Variants in KCNN2 observed in about 807,000 individuals in gnomAD.
The protein encoded by KCNN2 is small conductance calcium-activated potassium channel protein 2.
KCNN2 carries 24 observed loss-of-function variants against 55.5 expected under a neutral mutation model. That is an observed-to-expected ratio of 0.43 (90% CI 0.31 to 0.61). The LOEUF (loss-of-function observed/expected upper bound fraction) is 0.61. Among genes scored for constraint, KCNN2 ranks in the 20% least tolerant of loss-of-function variants. The pLI is 0.08. For synonymous variants in KCNN2, 431 were observed against 336.1 expected (o/e 1.28, Z -3.09); for missense variants, 754 against 853.6 (o/e 0.88, Z 1.45).
intron 1 of KCNN2, among the ~76,000 whole-genome samples, chr5:114,079,844 T>TGAGA (rs370135875): frequency 1.0e-3 from 157 of 149,536 alleles, no homozygotes; most frequent in Non-Finnish European, 1.3e-3. Flanking sequence ...TGTGTGTGTG[T>TGAGA]GAGAGAGAGA....
chr5:114,176,509 A>G (rs1753133566), intron 1 of KCNN2, among the ~76,000 whole-genome samples: 1 of 152,186 alleles, frequency 6.6e-6, no homozygotes, highest in Non-Finnish European at 1.5e-5. Context: ...AATACTTTAC[A>G]TTCTAATATC....
chr5:114,415,198 A>T (rs1221930854), intron 3 of KCNN2, among the ~76,000 whole-genome samples: 1 of 152,144 alleles, frequency 6.6e-6, no homozygotes, highest in Non-Finnish European at 1.5e-5. Context: ...AATATGCCAC[A>T]ATTTGGTCAC....
chr5:114,418,925 C>G (rs894934832), intron 3 of KCNN2, among the ~76,000 whole-genome samples: 1 of 152,208 alleles, frequency 6.6e-6, no homozygotes. Context: ...TTTAAACCCC[C>G]ACGTTTCACT....
upstream of KCNN2, among the ~76,000 whole-genome samples, chr5:114,357,157 C>A (rs1239994369): frequency 6.6e-6 from 1 of 151,938 alleles, no homozygotes; most frequent in African/African-American, 2.4e-5. Context: ...ACCAAAAACA[C>A]CCAAAGTCAA....
intron 1 of KCNN2, among the ~76,000 whole-genome samples, chr5:114,125,746 CTCTT>C (rs1267164036): frequency 1.3e-5 from 2 of 152,184 alleles, no homozygotes; most frequent in African/African-American, 2.4e-5. Context: ...TGAGGCCTCT[CTCTT>C]TGTCTTGTAG....
At chr5:114,475,734 A>T (rs1347516657) in intron 5 of KCNN2, among the ~76,000 whole-genome samples, 1 of 152,004 alleles carries the variant, frequency 6.6e-6, no homozygotes, top group South Asian at 2.1e-4. Flanking sequence ...TGGGTCCCCT[A>T]AAGTCCGGTC....
At chr5:114,102,535 C>G (rs11950385) in intron 1 of KCNN2, among the ~76,000 whole-genome samples, 29,506 of 151,898 alleles carry the variant, frequency 0.19, 3,084 homozygotes, top group African/African-American at 0.27. Flanking sequence ...GAATGGTATT[C>G]CCTAGGTTTT....
At chr5:114,446,752 C>T (rs1760425160) in intron 3 of KCNN2, among the ~76,000 whole-genome samples, 2 of 152,160 alleles carry the variant, frequency 1.3e-5, no homozygotes, top group African/African-American at 4.8e-5. Context: ...TGAGTCACTA[C>T]ACCTGGCCTT....
intron 2 of KCNN2, among the ~76,000 whole-genome samples, chr5:114,290,987 G>T (rs1755875070): frequency 6.6e-6 from 1 of 151,976 alleles, no homozygotes; most frequent in African/African-American, 2.4e-5. Flanking sequence ...AAACTTGTTT[G>T]GCGGCCTGAC....
intron 1 of KCNN2, among the ~76,000 whole-genome samples, chr5:114,169,601 T>A (rs1752989439): frequency 6.6e-6 from 1 of 152,136 alleles, no homozygotes; most frequent in Non-Finnish European, 1.5e-5. Context: ...CGTTATTATG[T>A]GCTCCATCTT....
chr5:114,307,435 G>A (rs925267412), intron 2 of KCNN2, among the ~76,000 whole-genome samples: 1 of 152,062 alleles, frequency 6.6e-6, no homozygotes, highest in African/African-American at 2.4e-5. Context: ...TGGCCTTCTT[G>A]CCTGTTCTGA....
At chr5:114,397,547 C>T (rs754129272) in intron 2 of KCNN2, among the ~76,000 whole-genome samples, 5 of 152,012 alleles carry the variant, frequency 3.3e-5, no homozygotes, top group East Asian at 1.9e-4. Flanking sequence ...ACACAATGCC[C>T]GGCTAATTTT....
intron 1 of KCNN2, among the ~76,000 whole-genome samples, chr5:114,112,140 A>G (rs1476670350): frequency 6.6e-6 from 1 of 152,238 alleles, no homozygotes; most frequent in East Asian, 1.9e-4. Context: ...ATGGAATACA[A>G]TGCAGCCATA....
At chr5:114,312,432 C>CATATATATATATAT (rs1561566575) in intron 2 of KCNN2, among the ~76,000 whole-genome samples, 2 of 19,310 alleles carry the variant, frequency 1.0e-4, no homozygotes, top group Non-Finnish European at 2.2e-4. Context: ...CACACACACA[C>CATATATATATATAT]ACATATATAT....
intron 1 of KCNN2, among the ~76,000 whole-genome samples, chr5:114,108,518 C>T (rs1441521738): frequency 1.3e-5 from 2 of 152,034 alleles, no homozygotes; most frequent in South Asian, 4.1e-4. Context: ...TCCCTTATGC[C>T]CTGTTCCAGT....
chr5:114,381,549 T>C (rs1374624194), intron 2 of KCNN2, among the ~76,000 whole-genome samples: 2 of 152,220 alleles, frequency 1.3e-5, no homozygotes, highest in Non-Finnish European at 2.9e-5. Flanking sequence ...ACAGAGACTC[T>C]TCTCTGGGCC....
At chr5:114,302,740 A>G (rs1283711073) in intron 2 of KCNN2, among the ~76,000 whole-genome samples, 2 of 152,156 alleles carry the variant, frequency 1.3e-5, no homozygotes, top group South Asian at 2.1e-4. Context: ...GCATGAGATC[A>G]TTGCAAACAG....
chr5:114,412,444 A>G (rs1455089230), intron 3 of KCNN2, among the ~76,000 whole-genome samples: 1 of 132,606 alleles, frequency 7.5e-6, no homozygotes, highest in East Asian at 2.0e-4. Flanking sequence ...CTGTATCTTA[A>G]ATGATCTGGG....
chr5:114,296,831 G>A (rs775155757), intron 2 of KCNN2, among the ~76,000 whole-genome samples: 1 of 152,152 alleles, frequency 6.6e-6, no homozygotes, highest in African/African-American at 2.4e-5. Flanking sequence ...ACATTAAAAT[G>A]TGACAATATA....
Sources: allele counts gnomAD v4.1 joint callset (sites outside exome capture counted in the v4.1 genomes callset), GRCh38; gene constraint gnomAD v4.1.1; transcripts MANE v1.5; gene names NCBI Gene and HGNC (gene_info 2026-07-23, HGNC 2026-07-21).